Variants in TANGO6 observed in about 807,000 individuals in gnomAD.
TANGO6 encodes transport and Golgi organization protein 6 homolog.
In TANGO6, 90 loss-of-function variants were observed where a neutral mutation model predicts 114.2. That is an observed-to-expected ratio of 0.79 (90% CI 0.66 to 0.94). TANGO6 has a LOEUF of 0.94. Among genes scored for constraint, TANGO6 ranks in the 40% least tolerant of loss-of-function variants. The pLI is 0.00. For synonymous variants in TANGO6, 477 were observed against 509.8 expected (o/e 0.94, Z 0.87); for missense variants, 1,274 against 1,315.3 (o/e 0.97, Z 0.49).
intron 12 of TANGO6, among the ~76,000 whole-genome samples, chr16:68,920,906 G>C (rs979679117): frequency 2.6e-5 from 4 of 151,808 alleles, no homozygotes; most frequent in Non-Finnish European, 4.4e-5. Flanking sequence ...GAGGTCAGGA[G>C]ATCGAGACCA....
At chr16:69,020,914 G>A (rs879444747) in intron 15 of TANGO6, among the ~76,000 whole-genome samples, 2 of 131,404 alleles carry the variant, frequency 1.5e-5, no homozygotes, top group African/African-American at 5.3e-5. Flanking sequence ...ATGTGTGTGT[G>A]TGTGTGTGTG....
intron 7 of TANGO6, among the ~76,000 whole-genome samples, chr16:68,881,372 G>T (rs1418005027): frequency 1.3e-5 from 2 of 152,026 alleles, no homozygotes; most frequent in African/African-American, 4.8e-5. Context: ...AAATTAGCCG[G>T]GCCTGGTGGC....
chr16:69,028,416 G>A (rs189472485), intron 16 of TANGO6, among the ~76,000 whole-genome samples: 225 of 152,148 alleles, frequency 1.5e-3, no homozygotes, highest in Non-Finnish European at 8.2e-4. Context: ...GATCACCTGA[G>A]GTCGGGAGTT....
chr16:68,943,459 G>T (rs767560044), intron 14 of TANGO6, among the ~76,000 whole-genome samples: 20 of 151,450 alleles, frequency 1.3e-4, no homozygotes, highest in Admixed American at 6.6e-4. Context: ...CGCCTCCTGG[G>T]TTCACACCAT....
At chr16:68,920,599 C>T (rs1321286679) in intron 12 of TANGO6, among the ~76,000 whole-genome samples, 1 of 152,014 alleles carries the variant, frequency 6.6e-6, no homozygotes, top group East Asian at 1.9e-4. Flanking sequence ...TGCTCATAAC[C>T]CTTAGCAATG....
intron 15 of TANGO6, among the ~76,000 whole-genome samples, chr16:68,982,516 G>A (rs1963846522): frequency 6.6e-6 from 1 of 151,824 alleles, no homozygotes; most frequent in African/African-American, 2.4e-5. Flanking sequence ...TTTTAGTAAA[G>A]ACAGGGTTTC....
At chr16:69,006,137 C>CT (rs1377490616) in intron 15 of TANGO6, among the ~76,000 whole-genome samples, 1 of 152,104 alleles carries the variant, frequency 6.6e-6, no homozygotes, top group Non-Finnish European at 1.5e-5. Flanking sequence ...CTGGGTTCTG[C>CT]TTGGCTGGTG....
chr16:68,876,658 T>G (rs1334716433), intron 5 of TANGO6, among the ~76,000 whole-genome samples: 2 of 151,922 alleles, frequency 1.3e-5, no homozygotes, highest in Non-Finnish European at 1.5e-5. Flanking sequence ...CCAACTCTAC[T>G]GAAAATACAA....
intron 7 of TANGO6, among the ~76,000 whole-genome samples, chr16:68,881,624 C>T (rs1199988231): frequency 6.6e-6 from 1 of 152,084 alleles, no homozygotes; most frequent in African/African-American, 2.4e-5. Context: ...TAATTACTGT[C>T]ATAACAAATT....
Position 69,046,692 on chromosome 16 carries a change from G to A in TANGO6, c.3108+6271G>A, listed in dbSNP as rs1334243868. Among the ~76,000 whole-genome samples, 8 of 152,044 alleles carry A rather than the reference G, an allele frequency of 5.3e-5. No individual in the cohort carries two copies. In the East Asian group the frequency reaches 1.4e-3, roughly 26 times the overall value. On this transcript the variant is annotated intron_variant, in intron 17 of 17. Coordinates refer to ENST00000261778, the MANE Select transcript of TANGO6 (RefSeq NM_024562.2). ...AGGAGAAATATTTCTGCAAAGATGG[G>A]AAATCTCAGAAAAGAAATAGAAATG...
chr16:69,034,144 G>A (rs1959648476), intron 16 of TANGO6: 1 of 154,034 alleles, frequency 6.5e-6, no homozygotes, highest in Admixed American at 6.5e-5. Flanking sequence ...TTGTCCCTAT[G>A]CGGAGAGGTT....
intron 12 of TANGO6, 126 bp from the exon 13 acceptor site, chr16:68,927,435 GCAATACA>G (rs1963181510): frequency 1.1e-6 from 1 of 877,942 alleles, no homozygotes; most frequent in Non-Finnish European, 1.7e-6. Context: ...CTGGACCCAG[GCAATACA>G]CTGATTACAC....
intron 15 of TANGO6, among the ~76,000 whole-genome samples, chr16:68,988,625 G>C (rs974962201): frequency 6.6e-6 from 1 of 150,760 alleles, no homozygotes; most frequent in Admixed American, 6.6e-5. Flanking sequence ...TTCAGTCTAT[G>C]ACCTGTTTCA....
At chr16:68,946,786 G>A (rs903197701) in intron 14 of TANGO6, among the ~76,000 whole-genome samples, 3 of 152,186 alleles carry the variant, frequency 2.0e-5, no homozygotes, top group African/African-American at 7.2e-5. Flanking sequence ...ACAGGTGTAA[G>A]CCACTGTACC....
chr16:68,878,901 G>A (rs149874976), intron 6 of TANGO6, among the ~76,000 whole-genome samples: 16 of 151,472 alleles, frequency 1.1e-4, no homozygotes, highest in African/African-American at 3.1e-4. Context: ...GCAAAACCCC[G>A]TCTTAACCAA....
chr16:68,909,152 G>T, intron 10 of TANGO6, 59 bp from the exon 11 acceptor site: 1 of 1,281,286 alleles, frequency 7.8e-7, no homozygotes, highest in South Asian at 2.7e-5. Context: ...GCTTATGTTT[G>T]AGAAGGCCTT....
intron 2 of TANGO6, 42 bp downstream of exon 2, chr16:68,860,566 G>T (rs1186515059): frequency 1.9e-6 from 3 of 1,591,718 alleles, no homozygotes; most frequent in East Asian, 2.2e-5. Context: ...GATTGTGTGT[G>T]TATGAATGTG....
chr16:69,000,324 G>GA (rs1324356690), intron 15 of TANGO6, among the ~76,000 whole-genome samples: 1 of 152,092 alleles, frequency 6.6e-6, no homozygotes, highest in Admixed American at 6.5e-5. Context: ...AATTGGGTCA[G>GA]AAAAAGACTT....
chr16:69,053,496 G>C (rs117416169), intron 17 of TANGO6, among the ~76,000 whole-genome samples: 4,728 of 152,074 alleles, frequency 0.031, 104 homozygotes, highest in Non-Finnish European at 0.042. Flanking sequence ...CTCATAAAAG[G>C]TTCAGACACA....
Sources: allele counts gnomAD v4.1 joint callset (sites outside exome capture counted in the v4.1 genomes callset), GRCh38; gene constraint gnomAD v4.1.1; transcripts MANE v1.5; gene names NCBI Gene and HGNC (gene_info 2026-07-23, HGNC 2026-07-21).